The following AGFG1 variants were observed in gnomAD, a reference collection of about 807,000 sequenced individuals.
The protein encoded by AGFG1 is ArfGAP with FG repeats 1.
In AGFG1, 10 loss-of-function variants were observed where a neutral mutation model predicts 60.6. The ratio of observed to expected loss-of-function variants is 0.16; its 90% CI spans 0.10 to 0.28. The LOEUF (loss-of-function observed/expected upper bound fraction) is 0.28, where lower values mean the gene tolerates loss of function less well. AGFG1 is among the 10% of genes least tolerant of loss of function. The pLI is 1.00. For missense variants in AGFG1, 537 were observed against 676.5 expected, an observed-to-expected ratio of 0.79 and a Z score of 2.29; for synonymous variants, 247 against 242.9, an observed-to-expected ratio of 1.02 and a Z score of -0.16.
chr2:227,542,565 A>G (rs1692523439), intron 10 of AGFG1, among the ~76,000 whole-genome samples: 1 of 152,148 alleles, frequency 6.6e-6, no homozygotes, highest in African/African-American at 2.4e-5. Context: ...GTTTGCCAGT[A>G]TTTTATTGAG....
chr2:227,534,828 A>G lies in AGFG1; in HGVS notation c.1025-17A>G, dbSNP rs1281468626. On this transcript the variant is annotated splice_polypyrimidine_tract_variant and intron_variant, in intron 7 of 12. Coordinates refer to ENST00000310078, the MANE Select transcript of AGFG1 (RefSeq NM_004504.5). Reference sequence around the variant, plus strand: ...AACTTTAAATTTTTGGTGTAACTTGATTTTGTTCGTTCCCAGGTGGTGATC... The same window carrying G: ...AACTTTAAATTTTTGGTGTAACTTGGTTTTGTTCGTTCCCAGGTGGTGATC... 2 of 1,605,976 alleles carry G rather than the reference A, an allele frequency of 1.2e-6. No individual in the cohort carries two copies. Among genetic ancestry groups the G allele is most frequent in the African/African-American group, 2.7e-5 (2 of 74,534 alleles).
Position 227,560,012 on chromosome 2 carries a change from G to A in AGFG1, c.*5517G>A, listed in dbSNP as rs1693090367. ...TGTGACTTTATTCTCATACCCCAGA[G>A]GCATATAATTTCTTGTATTCTTGTG... On this transcript the variant is annotated 3_prime_UTR_variant, in exon 13 of 13. Transcript: ENST00000310078. 6.6e-6 allele frequency: 1 copy of A among 152,122 alleles called. No homozygotes were observed. The highest frequency in any genetic ancestry group is 1.9e-4 in the East Asian group (1 of 5,172). 9.4% of individuals were successfully genotyped at this position (152,122 alleles called of 1,614,324 possible). A position where few individuals can be genotyped will look rare whatever the true frequency, so the allele number is the denominator to read the frequency against.
chr2:227,508,650 A>G (rs1158832921), intron 2 of AGFG1: 9 of 469,766 alleles, frequency 1.9e-5, no homozygotes. Flanking sequence ...GGCGTCACAA[A>G]GTAAGTTTAG....
intron 10 of AGFG1, among the ~76,000 whole-genome samples, chr2:227,550,337 G>C (rs1477309854): frequency 6.6e-6 from 1 of 152,180 alleles, no homozygotes; most frequent in Non-Finnish European, 1.5e-5. Flanking sequence ...TTACCTACAT[G>C]GTCATATTAG....
rs370320223 is a variant in AGFG1 at position 227,495,811 on chromosome 2, C to A, written c.261+4171C>A. The stretch of plus-strand genomic sequence containing the variant: ...TATGTTTGAAGACTAAAAGTAAAAG[C>A]ATTACTACTGGCCAAGTGCAGTGGC... On this transcript the variant is annotated intron_variant, in intron 2 of 12. Transcript: ENST00000310078. Among the ~76,000 whole-genome samples, 19 of 151,884 alleles carry A rather than the reference C, an allele frequency of 1.3e-4. No homozygotes were observed. In the East Asian group the frequency reaches 1.9e-3, roughly 15 times the overall value.
At chr2:227,532,648 AATT>A (rs1278545743) in intron 6 of AGFG1, among the ~76,000 whole-genome samples, 2 of 152,140 alleles carry the variant, frequency 1.3e-5, no homozygotes. Flanking sequence ...TCTGTTTTAA[AATT>A]ATCTGTAGTT....
chr2:227,483,445 T>TTAGAACATGCAAGTTTTCCATCACC (rs1206354981), intron 1 of AGFG1, among the ~76,000 whole-genome samples: 66 of 152,310 alleles, frequency 4.3e-4, no homozygotes, highest in African/African-American at 1.6e-3. Flanking sequence ...ACCACTCAAA[T>TTAGAACATGCAAGTTTTCCATCACC]TAGAACATGC....
intron 2 of AGFG1, among the ~76,000 whole-genome samples, chr2:227,500,790 A>AAATTT (rs1383135446): frequency 1.6e-4 from 24 of 149,744 alleles, no homozygotes; most frequent in African/African-American, 5.9e-4. Context: ...AAATTAAATT[A>AAATTT]AAAAAAAAAT....
Position 227,559,544 on chromosome 2 carries a change from T to A in AGFG1, c.*5049T>A, listed in dbSNP as rs1280033079. On this transcript the variant is annotated 3_prime_UTR_variant, in exon 13 of 13. Coordinates refer to ENST00000310078, the MANE Select transcript of AGFG1 (RefSeq NM_004504.5). The stretch of plus-strand genomic sequence containing the variant: ...TCCAACACAGGGCTGTAGGGACTGA[T>A]GAAAAGAGAATGTTGTGATTTGAGC... 1 of 152,156 alleles carries A rather than the reference T, an allele frequency of 6.6e-6. No homozygotes were observed. The highest frequency in any genetic ancestry group is 1.5e-5 in the Non-Finnish European group (1 of 68,006). The allele number at this position is 152,156 out of a possible 1,614,324, so 9.4% of individuals were successfully genotyped here. A position where few individuals can be genotyped will look rare whatever the true frequency, so the allele number is the denominator to read the frequency against.
At chr2:227,553,653 A>T (rs745520630) in intron 11 of AGFG1, 51 bp from the exon 12 acceptor site, 2 of 1,409,120 alleles carry the variant, frequency 1.4e-6, no homozygotes, top group Non-Finnish European at 2.0e-6. Context: ...TATAAGCATC[A>T]GATTGTCTCT....
intron 2 of AGFG1, among the ~76,000 whole-genome samples, chr2:227,518,375 A>C (rs1691716381): frequency 1.3e-5 from 2 of 152,150 alleles, no homozygotes; most frequent in South Asian, 2.1e-4. Flanking sequence ...AAACTGCCAA[A>C]TGTTTTCCAA....
intron 2 of AGFG1, among the ~76,000 whole-genome samples, chr2:227,507,858 T>A (rs1252705000): frequency 1.3e-5 from 2 of 152,094 alleles, no homozygotes. Flanking sequence ...ACTATGAATT[T>A]ATTTATTTGA....
chr2:227,550,799 G>A (rs1040928989), intron 10 of AGFG1, among the ~76,000 whole-genome samples: 1 of 151,888 alleles, frequency 6.6e-6, no homozygotes, highest in Non-Finnish European at 1.5e-5. Context: ...TTTAATTTCT[G>A]TGCCTTAAAT....
intron 2 of AGFG1, among the ~76,000 whole-genome samples, chr2:227,509,918 A>G (rs1294514715): frequency 6.6e-6 from 1 of 152,214 alleles, no homozygotes; most frequent in Non-Finnish European, 1.5e-5. Context: ...ATATTTAACT[A>G]GATAAAACAA....
At chr2:227,508,733 A>G in intron 2 of AGFG1, 1 of 421,678 alleles carries the variant, frequency 2.4e-6, no homozygotes, top group South Asian at 1.7e-5. Flanking sequence ...AGCTCATCCA[A>G]AAGAACAGAA....
intron 1 of AGFG1, among the ~76,000 whole-genome samples, chr2:227,473,703 G>C (rs1031873608): frequency 6.6e-6 from 1 of 152,132 alleles, no homozygotes; most frequent in African/African-American, 2.4e-5. Context: ...TAAAACCTTT[G>C]CTTGTAAGAT....
intron 10 of AGFG1, among the ~76,000 whole-genome samples, chr2:227,547,067 A>T (rs527704939): frequency 2.8e-4 from 43 of 152,282 alleles, no homozygotes; most frequent in African/African-American, 1.0e-3. Context: ...CTGAACCAAC[A>T]CTGTTTTTGT....
chr2:227,516,422 A>G (rs1334609102), intron 2 of AGFG1, among the ~76,000 whole-genome samples: 3 of 152,216 alleles, frequency 2.0e-5, no homozygotes, highest in Non-Finnish European at 4.4e-5. Flanking sequence ...ATCTATAAAT[A>G]TAGGAAATAG....
chr2:227,499,506 G>C (rs970280515), intron 2 of AGFG1, among the ~76,000 whole-genome samples: 1 of 152,054 alleles, frequency 6.6e-6, no homozygotes, highest in Non-Finnish European at 1.5e-5. Context: ...TGGGCGTGGT[G>C]GCGTGTGCCT....
Sources: allele counts gnomAD v4.1 joint callset (sites outside exome capture counted in the v4.1 genomes callset), GRCh38; gene constraint gnomAD v4.1.1; transcripts MANE v1.5; gene names NCBI Gene and HGNC (gene_info 2026-07-23, HGNC 2026-07-21).